The following PABIR3 variants were observed in gnomAD, a reference collection of about 807,000 sequenced individuals.
The protein encoded by PABIR3 is PABIR family member 1.
A neutral mutation model predicts 23.1 loss-of-function variants in PABIR3; 20 were observed. The observed-to-expected ratio is 0.86, with a 90% CI of 0.61 to 1.26. The LOEUF is 1.26. Among genes scored for constraint, PABIR3 ranks in the 50% most tolerant of loss-of-function variants. The pLI is 0.00. For missense variants in PABIR3, 189 were observed against 195.4 expected, an observed-to-expected ratio of 0.97 and a Z score of 0.20; for synonymous variants, 69 against 68.5, an observed-to-expected ratio of 1.01 and a Z score of -0.04.
chrX:134,815,681 T>C (rs1221225289), intron 3 of PABIR3, among the ~76,000 whole-genome samples: 12 of 109,197 alleles, frequency 1.1e-4, no homozygotes, highest in Admixed American at 6.9e-4. Context: ...TCTTTTCTTT[T>C]TTTTTTTCTT....
chrX:134,847,782 C>G, intron 7 of PABIR3, 101 bp from the exon 8 acceptor site: 1 of 611,234 alleles, frequency 1.6e-6, no homozygotes, highest in Middle Eastern at 3.1e-4. Flanking sequence ...TTTTGTACCC[C>G]AGTCTCCCTC....
intron 3 of PABIR3, among the ~76,000 whole-genome samples, chrX:134,824,418 A>G (rs1209200315): frequency 1.8e-5 from 2 of 112,450 alleles, no homozygotes; most frequent in African/African-American, 6.5e-5. Context: ...GAATTTTAAC[A>G]TGGAAAGACT....
At chrX:134,821,351 G>C in intron 3 of PABIR3, 1 of 1,143,563 alleles carries the variant, frequency 8.7e-7, no homozygotes, top group Non-Finnish European at 1.2e-6. Context: ...CACTTCTGTT[G>C]AACAGAAGCC....
the PABIR3 span, among the ~76,000 whole-genome samples, chrX:134,864,460 C>T: frequency 1.8e-5 from 2 of 112,104 alleles, no homozygotes; most frequent in South Asian, 7.3e-4. Flanking sequence ...GCAGTTAATC[C>T]TCCTCCACAC....
downstream of PABIR3, among the ~76,000 whole-genome samples, chrX:134,858,552 G>C (rs1001291364): frequency 5.4e-5 from 6 of 111,475 alleles, no homozygotes; most frequent in African/African-American, 2.0e-4. Context: ...AGGTATCTGT[G>C]GGGAAAACTA....
chrX:134,804,156 A>T, upstream of PABIR3: 2 of 1,085,476 alleles, frequency 1.8e-6, no homozygotes, highest in Non-Finnish European at 2.5e-6. Context: ...GGAGTAGCCT[A>T]ATTGTCAAGT....
chrX:134,823,701 A>G (rs2081388171), intron 3 of PABIR3, among the ~76,000 whole-genome samples: 1 of 111,510 alleles, frequency 9.0e-6, no homozygotes, highest in African/African-American at 3.3e-5. Flanking sequence ...ATGCCACTGC[A>G]CAACTTCTCA....
intron 8 of PABIR3, 121 bp downstream of exon 8, chrX:134,848,092 T>TA: frequency 1.6e-6 from 1 of 623,630 alleles, no homozygotes; most frequent in Non-Finnish European, 2.4e-6. Flanking sequence ...TTAGGGAAAT[T>TA]AAAATGTCAT....
At position 134,807,613 on chromosome X, in the gene PABIR3, A is replaced by G; in HGVS notation, c.15A>G (p.Lys5=). The G allele has an allele frequency of 8.3e-7, 1 of 1,210,624 alleles. No homozygotes were observed. MAQE[K]MKLGFKSLPS... is the part of the protein sequence containing the mutation. ...TCGACCCGGACATGGCACAGGAGAA[A>G]ATGAAACTAGGTTTCAAGTCGCTGC... Residue 5 remains lysine, a synonymous_variant, in exon 2 of 11, where the codon AAA becomes AAG. Transcript: ENST00000645433.
chrX:134,847,301 C>G, intron 6 of PABIR3, 82 bp from the exon 7 acceptor site: 1 of 715,298 alleles, frequency 1.4e-6, no homozygotes, highest in Admixed American at 2.4e-5. Flanking sequence ...TAAGGACTCA[C>G]TTCCCTGTGC....
intron 3 of PABIR3, among the ~76,000 whole-genome samples, chrX:134,825,063 C>T (rs1198306908): frequency 9.0e-6 from 1 of 111,318 alleles, no homozygotes; most frequent in African/African-American, 3.3e-5. Flanking sequence ...GGAGAGGCTG[C>T]ACTTGTGTGA....
intron 4 of PABIR3, among the ~76,000 whole-genome samples, chrX:134,834,451 CTG>C (rs2081910397): frequency 8.9e-6 from 1 of 111,949 alleles, no homozygotes; most frequent in Admixed American, 9.5e-5. Context: ...ATCTCCTATG[CTG>C]TAGGTTGCCT....
At chrX:134,817,081 G>A (rs1845781569) in intron 3 of PABIR3, among the ~76,000 whole-genome samples, 2 of 111,636 alleles carry the variant, frequency 1.8e-5, no homozygotes, top group Non-Finnish European at 3.8e-5. Context: ...GGCTGAGGCA[G>A]GAGAATCGCT....
intron 3 of PABIR3, among the ~76,000 whole-genome samples, chrX:134,827,994 C>A (rs1266411447): frequency 4.0e-5 from 4 of 99,905 alleles, no homozygotes; most frequent in African/African-American, 1.5e-4. Context: ...TTTCGATCTT[C>A]AGAGTCTAGC....
chrX:134,825,053 G>A (rs991075915), intron 3 of PABIR3, among the ~76,000 whole-genome samples: 1 of 111,543 alleles, frequency 9.0e-6, no homozygotes, highest in East Asian at 2.8e-4. Context: ...GTTGGTAGTG[G>A]GAGAGGCTGC....
chrX:134,843,131 C>T (rs1173838626), intron 4 of PABIR3, among the ~76,000 whole-genome samples: 1 of 107,730 alleles, frequency 9.3e-6, no homozygotes, highest in African/African-American at 3.4e-5. Context: ...ACCCAGGAGG[C>T]AGAGGTTGCA....
chrX:134,815,377 G>A (rs1445327786), intron 3 of PABIR3, among the ~76,000 whole-genome samples: 2 of 110,955 alleles, frequency 1.8e-5, no homozygotes, highest in African/African-American at 3.3e-5. Context: ...GTAAACATAG[G>A]GAATATACTT....
intron 4 of PABIR3, among the ~76,000 whole-genome samples, chrX:134,834,884 C>T: frequency 9.0e-6 from 1 of 111,236 alleles, no homozygotes; most frequent in Middle Eastern, 4.7e-3. Context: ...TGTTTTGGTA[C>T]CAGCACCATG....
Position 134,847,435 on chromosome X carries a change from C to T in PABIR3, c.398C>T (p.Pro133Leu). The change falls in exon 7 of 11, where the codon CCA (proline) becomes CTA (leucine). Residue 133 changes from proline to leucine, a missense_variant. Physicochemically the swap from Pro to Leu is moderately conservative, Grantham distance 98. Coordinates refer to ENST00000645433, the MANE Select transcript of PABIR3 (RefSeq NM_001388447.1). ...SSSLKCIDLT[P>L]VSSMASSIKK... ...TCTCTAAAGTGCATTGATTTAACTC[C>T]AGTATCCTCAATGGCTTCTTCCATC... 8.3e-7 allele frequency: 1 copy of T among 1,206,938 alleles called. No individual in the cohort carries two copies.
Sources: allele counts gnomAD v4.1 joint callset (sites outside exome capture counted in the v4.1 genomes callset), GRCh38; gene constraint gnomAD v4.1.1; transcripts MANE v1.5; gene names NCBI Gene and HGNC (gene_info 2026-07-23, HGNC 2026-07-21).